Variants in DOCK4 observed in about 807,000 individuals in gnomAD.
The protein encoded by DOCK4 is dedicator of cytokinesis 4.
In DOCK4, 97 loss-of-function variants were observed where a neutral mutation model predicts 268.1. That is an observed-to-expected ratio of 0.36 (90% CI 0.31 to 0.43). The LOEUF is 0.43. Ranked by LOEUF, DOCK4 falls within the 20% of genes least tolerant of loss-of-function variation. The probability of loss-of-function intolerance (pLI) is 1.00; values close to 1 mark genes in which losing one functional copy is unlikely to be tolerated. For missense variants in DOCK4, 2,145 were observed against 2,455.7 expected (o/e 0.87, Z 2.67); for synonymous variants, 954 against 887.2 (o/e 1.08, Z -1.34).
chr7:112,012,314 C>CT (rs1352865508), intron 1 of DOCK4, among the ~76,000 whole-genome samples: 1 of 151,172 alleles, frequency 6.6e-6, no homozygotes, highest in Non-Finnish European at 1.5e-5. Context: ...GGAAAAAAAG[C>CT]TGATAATACT....
chr7:112,119,540 T>C (rs538837493), intron 1 of DOCK4, among the ~76,000 whole-genome samples: 1 of 152,264 alleles, frequency 6.6e-6, no homozygotes, highest in African/African-American at 2.4e-5. Flanking sequence ...ATATAGGTTC[T>C]GTGGCAACAT....
chr7:111,954,627 C>T (rs904172574), intron 8 of DOCK4, among the ~76,000 whole-genome samples: 1 of 152,294 alleles, frequency 6.6e-6, no homozygotes, highest in African/African-American at 2.4e-5. Flanking sequence ...AAGACACATA[C>T]CCCCTGAAGA....
At chr7:111,957,665 A>C (rs1377440786) in intron 8 of DOCK4, among the ~76,000 whole-genome samples, 1 of 152,152 alleles carries the variant, frequency 6.6e-6, no homozygotes, top group East Asian at 1.9e-4. Context: ...TGAAGGCAGG[A>C]ATTTTTTGTT....
chr7:111,740,224 C>A (rs1022670418), intron 47 of DOCK4: 1 of 306,692 alleles, frequency 3.3e-6, no homozygotes, highest in South Asian at 2.4e-5. Context: ...CTCAGCCTCC[C>A]GAGTAGCTGG....
chr7:111,758,483 A>G, intron 41 of DOCK4, 141 bp downstream of exon 41: 7 of 962,588 alleles, frequency 7.3e-6, no homozygotes, highest in Non-Finnish European at 1.1e-5. Flanking sequence ...GAGCTGCAGA[A>G]CCACTAGACT....
intron 1 of DOCK4, among the ~76,000 whole-genome samples, chr7:112,085,128 A>G (rs1250422228): frequency 6.6e-6 from 1 of 152,142 alleles, no homozygotes; most frequent in Non-Finnish European, 1.5e-5. Context: ...CCATCTTCTA[A>G]TCTTTTCTCC....
At chr7:111,837,218 C>T (rs1279367710) in intron 25 of DOCK4, among the ~76,000 whole-genome samples, 5 of 151,904 alleles carry the variant, frequency 3.3e-5, no homozygotes, top group African/African-American at 1.2e-4. Context: ...AGCTGAAAGA[C>T]AACGGAGCAA....
At chr7:111,887,749 CTATTTAAAAAAAAT>C (rs1252453133) in intron 16 of DOCK4, among the ~76,000 whole-genome samples, 1 of 133,900 alleles carries the variant, frequency 7.5e-6, no homozygotes, top group Non-Finnish European at 1.5e-5. Context: ...AACATGGTGC[CTATTTAAAAAAAAT>C]TATTAAAAAA....
At chr7:111,844,378 T>C (rs991425795) in intron 25 of DOCK4, among the ~76,000 whole-genome samples, 74 of 152,232 alleles carry the variant, frequency 4.9e-4, no homozygotes, top group African/African-American at 1.8e-3. Flanking sequence ...AGTGAAAAAT[T>C]TGGAATGAAA....
chr7:111,827,543 A>G (rs1018442240), intron 26 of DOCK4, among the ~76,000 whole-genome samples: 2 of 152,164 alleles, frequency 1.3e-5, no homozygotes, highest in Admixed American at 1.3e-4. Context: ...GGAAGGCTTC[A>G]TCGAGAAGCT....
Position 111,784,105 on chromosome 7 carries a change from G to A in DOCK4, c.3420C>T (p.Pro1140=), listed in dbSNP as rs766984709. Residue 1140 remains proline, a synonymous_variant, in exon 33 of 53, where the codon CCC becomes CCT. Transcript: ENST00000428084. The stretch of plus-strand genomic sequence containing the variant: ...TGCAAACAATGTCTTACCTAGGATA[G>A]GGACCAAATAGTGGAATTCTAATCC... ...LFNSIIPLFG[P]YPSLLKKIER... is the part of the protein sequence containing the mutation. The A allele has an allele frequency of 6.3e-7, 1 of 1,579,656 alleles. No individual in the cohort carries two copies. Among genetic ancestry groups the A allele is most frequent in the South Asian group, 1.1e-5 (1 of 87,340 alleles).
intron 1 of DOCK4, among the ~76,000 whole-genome samples, chr7:112,046,925 G>A (rs1804877533): frequency 6.6e-6 from 1 of 152,142 alleles, no homozygotes; most frequent in African/African-American, 2.4e-5. Context: ...CAGCAGCGAG[G>A]AAAAAGCTAC....
chr7:112,182,777 C>T (rs142183050), intron 1 of DOCK4, among the ~76,000 whole-genome samples: 1 of 152,356 alleles, frequency 6.6e-6, no homozygotes, highest in Non-Finnish European at 1.5e-5. Flanking sequence ...GCTAGGTGTG[C>T]AGGCATGTGC....
chr7:111,961,653 A>C (rs1193128359), intron 8 of DOCK4, among the ~76,000 whole-genome samples: 1 of 152,238 alleles, frequency 6.6e-6, no homozygotes, highest in Non-Finnish European at 1.5e-5. Flanking sequence ...TTAAGTCTGA[A>C]TCAAGGCTCG....
At chr7:111,761,539 G>T (rs115531640) in intron 39 of DOCK4, among the ~76,000 whole-genome samples, 1 of 152,080 alleles carries the variant, frequency 6.6e-6, no homozygotes, top group Non-Finnish European at 1.5e-5. Flanking sequence ...TCAAGTTAAG[G>T]GGAGATCAGT....
At chr7:111,800,621 T>TA (rs1423600088) in intron 30 of DOCK4, among the ~76,000 whole-genome samples, 5 of 152,206 alleles carry the variant, frequency 3.3e-5, no homozygotes. Flanking sequence ...CTAATGGTGG[T>TA]AATCTTAATG....
chr7:112,189,752 T>TG (rs71771046), intron 1 of DOCK4, among the ~76,000 whole-genome samples: 5,049 of 116,776 alleles, frequency 0.043, 314 homozygotes, highest in African/African-American at 0.21. Flanking sequence ...TTTTGTTTTT[T>TG]TTTTTTTTTT....
At chr7:111,809,110 G>A (rs114896563) in intron 29 of DOCK4, among the ~76,000 whole-genome samples, 191 bp downstream of exon 29, 2,633 of 152,256 alleles carry the variant, frequency 0.017, 77 homozygotes, top group African/African-American at 0.06. Flanking sequence ...AATCCTGAAA[G>A]AGCCAGGTCA....
At chr7:111,803,358 T>C (rs1800441699) in intron 30 of DOCK4, among the ~76,000 whole-genome samples, 1 of 152,240 alleles carries the variant, frequency 6.6e-6, no homozygotes, top group Non-Finnish European at 1.5e-5. Context: ...ATAAACTTCA[T>C]TTAAATGATT....
Sources: gnomAD v4.1 joint callset for allele counts (sites outside exome capture counted in the v4.1 genomes callset) on GRCh38, gnomAD v4.1.1 for gene constraint, MANE v1.5 for transcripts, NCBI Gene and HGNC (gene_info 2026-07-23, HGNC 2026-07-21) for gene names.